FANCL: variants seen among roughly 807,000 people sequenced by gnomAD.
The protein encoded by FANCL is E3 ubiquitin-protein ligase FANCL.
FANCL carries 69 observed loss-of-function variants against 59.4 expected under a neutral mutation model. The ratio of observed to expected loss-of-function variants is 1.16; its 90% CI spans 0.96 to 1.42. FANCL has a LOEUF of 1.42. Ranked by LOEUF, FANCL falls within the 40% of genes most tolerant of loss-of-function variation. The pLI is 0.00. For synonymous variants in FANCL, 180 were observed against 147.1 expected (o/e 1.22, Z -1.62); for missense variants, 519 against 447.2 (o/e 1.16, Z -1.45).
chr2:58,241,142 A>G (rs1694505218), intron 1 of FANCL, 76 bp downstream of exon 1: 1 of 1,502,778 alleles, frequency 6.7e-7, no homozygotes. Flanking sequence ...CTAACCTCCT[A>G]GCCCGTCACA....
chr2:58,236,050 C>CAA (rs767983260), intron 1 of FANCL, among the ~76,000 whole-genome samples: 1 of 84,078 alleles, frequency 1.2e-5, no homozygotes, highest in Non-Finnish European at 2.6e-5. Flanking sequence ...AAAGGAGGAA[C>CAA]AAAAAAAAAA....
At chr2:58,160,227 TAC>T (rs1308221878) in intron 12 of FANCL, 48 bp from the exon 13 acceptor site, 3 of 1,539,970 alleles carry the variant, frequency 1.9e-6, no homozygotes, top group African/African-American at 1.4e-5. Flanking sequence ...GATTACAAAT[TAC>T]AGATACTCCA....
At chr2:58,172,993 G>T (rs1686834531) in intron 7 of FANCL, among the ~76,000 whole-genome samples, 1 of 152,210 alleles carries the variant, frequency 6.6e-6, no homozygotes, top group Non-Finnish European at 1.5e-5. Context: ...GAAGAATACA[G>T]AAGCCTCAGG....
chr2:58,194,180 G>T (rs1689209447), intron 7 of FANCL: 1 of 470,512 alleles, frequency 2.1e-6, no homozygotes, highest in Non-Finnish European at 4.4e-6. Context: ...GATTCCAACT[G>T]CCCATGGCAA....
intron 7 of FANCL, 27 bp from the exon 8 acceptor site, chr2:58,165,901 G>A (rs763452293): frequency 2.5e-6 from 4 of 1,606,662 alleles, no homozygotes; most frequent in East Asian, 2.2e-5. Context: ...AGTTGAATAA[G>A]TTATATGGTA....
intron 5 of FANCL, 134 bp from the exon 6 acceptor site, chr2:58,204,360 C>A: frequency 1.4e-6 from 1 of 736,588 alleles, no homozygotes; most frequent in Non-Finnish European, 2.4e-6. Context: ...GCAATTTCTG[C>A]ATGCCAACCC....
At chr2:58,207,143 G>A (rs764758671) in intron 5 of FANCL, among the ~76,000 whole-genome samples, 1 of 152,080 alleles carries the variant, frequency 6.6e-6, no homozygotes, top group Non-Finnish European at 1.5e-5. Context: ...GCTTTTGGGG[G>A]TTCATTTATA....
At chr2:58,195,805 T>C (rs1689372228) in intron 7 of FANCL, among the ~76,000 whole-genome samples, 1 of 152,152 alleles carries the variant, frequency 6.6e-6, no homozygotes, top group Admixed American at 6.6e-5. Context: ...TATGCATTGC[T>C]GAATGGGAAT....
At chr2:58,162,969 T>C (rs753690162) in intron 10 of FANCL, 22 bp from the exon 11 acceptor site, 1 of 1,612,046 alleles carries the variant, frequency 6.2e-7, no homozygotes, top group South Asian at 1.1e-5. Context: ...GGGAAAAAAA[T>C]TATGCTGTGA....
rs1047208127 is a variant in FANCL, at chr2:58,163,036, G to C, written c.814C>G (p.His272Asp). 1 of 1,612,492 alleles carries C rather than the reference G, an allele frequency of 6.2e-7. No individual in the cohort carries two copies. Among genetic ancestry groups the C allele is most frequent in the Non-Finnish European group, 8.5e-7 (1 of 1,179,030 alleles). ...TATTGCCAAGGTACCTACCACAAAT[G>C]TATGTTCCTGCTCAGCTTAATTCCC... ...PLGIKLSRNI[H>D]LWDPENSVLQ... Residue 272 changes from histidine (H) to aspartate (D), a missense_variant, in exon 10 of 14, where the codon CAT (histidine) becomes GAT (aspartate). Transcript: ENST00000233741.
chr2:58,224,467 C>T (rs1422312688), intron 4 of FANCL, among the ~76,000 whole-genome samples: 1 of 151,706 alleles, frequency 6.6e-6, no homozygotes, highest in Non-Finnish European at 1.5e-5. Context: ...AAAATTCAAA[C>T]TTTAGAAATT....
chr2:58,222,769 GAAAGTAAA>G (rs1692610319), intron 4 of FANCL, among the ~76,000 whole-genome samples: 1 of 151,906 alleles, frequency 6.6e-6, no homozygotes, highest in African/African-American at 2.4e-5. Context: ...AGCTTATTTG[GAAAGTAAA>G]AATAAATCTA....
At chr2:58,198,380 T>C (rs775001589) in intron 7 of FANCL, among the ~76,000 whole-genome samples, 1 of 152,120 alleles carries the variant, frequency 6.6e-6, no homozygotes, top group Non-Finnish European at 1.5e-5. Context: ...GCAAATGCAT[T>C]GTATTAGGTA....
chr2:58,232,904 T>C (rs910520441), intron 1 of FANCL, among the ~76,000 whole-genome samples: 1 of 151,844 alleles, frequency 6.6e-6, no homozygotes. Context: ...CAGAATAAAA[T>C]GAAAAAGTAA....
At chr2:58,218,925 G>A (rs1692125218) in intron 5 of FANCL, among the ~76,000 whole-genome samples, 1 of 150,840 alleles carries the variant, frequency 6.6e-6, no homozygotes, top group South Asian at 2.1e-4. Context: ...GTATGTACAC[G>A]AGTTAGTATA....
rs539952779 is a variant in FANCL, at chr2:58,177,793, A to T, written c.541-11919T>A. Among the ~76,000 whole-genome samples the T allele has an allele frequency of 6.9e-5, 9 of 131,002 alleles. No homozygotes were observed. The South Asian group carries it at 7.1e-4, about 10-fold the overall frequency. 85.9% of individuals were successfully genotyped at this position (131,002 alleles called of 152,430 possible). A position where few individuals can be genotyped will look rare whatever the true frequency, so the allele number is the denominator to read the frequency against. ...ACTTAATAATAAAATAAAAAAGATT[A>T]AAAAAAAAAGAAAAAGAAAAAACAA... is the stretch of plus-strand genomic sequence containing the variant. On this transcript the variant is annotated intron_variant, in intron 7 of 13. Transcript: ENST00000233741.
intron 12 of FANCL, 35 bp from the exon 13 acceptor site, chr2:58,160,214 C>T (rs1684920353): frequency 1.3e-6 from 2 of 1,599,024 alleles, no homozygotes; most frequent in African/African-American, 1.3e-5. Context: ...GAAGCGTCAG[C>T]ATGATTACAA....
At chr2:58,171,602 G>C (rs920412149) in intron 7 of FANCL, among the ~76,000 whole-genome samples, 1 of 152,110 alleles carries the variant, frequency 6.6e-6, no homozygotes, top group African/African-American at 2.4e-5. Context: ...TTTTTGAAAA[G>C]AGTAACAAAA....
chr2:58,190,330 T>C (rs748870717), intron 7 of FANCL, among the ~76,000 whole-genome samples: 11 of 151,980 alleles, frequency 7.2e-5, no homozygotes, highest in South Asian at 2.1e-4. Flanking sequence ...AGTCACCTCA[T>C]GTGTAGCCAT....
Sources: gnomAD v4.1 joint callset for allele counts (sites outside exome capture counted in the v4.1 genomes callset) on GRCh38, gnomAD v4.1.1 for gene constraint, MANE v1.5 for transcripts, NCBI Gene and HGNC (gene_info 2026-07-23, HGNC 2026-07-21) for gene names.